Variants in NAA50 observed in about 807,000 individuals in gnomAD.
NAA50 encodes the protein N-alpha-acetyltransferase 50, NatE catalytic subunit.
A neutral mutation model predicts 20.7 loss-of-function variants in NAA50; 7 were observed. The ratio of observed to expected loss-of-function variants is 0.34; its 90% CI spans 0.19 to 0.63. The LOEUF (loss-of-function observed/expected upper bound fraction) is 0.63, where lower values mean the gene tolerates loss of function less well. Among genes scored for constraint, NAA50 ranks in the 30% least tolerant of loss-of-function variants. The probability of loss-of-function intolerance (pLI) is 0.75; values close to 1 mark genes in which losing one functional copy is unlikely to be tolerated. For missense variants in NAA50, 111 were observed against 199.1 expected (o/e 0.56, Z 2.66); for synonymous variants, 54 against 70.6 (o/e 0.77, Z 1.18).
In NAA50 at chr3:113,720,009, C is replaced by T. The variant is rs1368352624; in HGVS notation, c.*1751G>A. On this transcript the variant is annotated 3_prime_UTR_variant, in exon 5 of 5. Transcript: ENST00000240922. ...CTTAACGCTAAACTTTTCTTCTAAG[C>T]TTAGATTTGGATTGTTTAAGAAACG... 6.6e-6 allele frequency: 1 copy of T among 152,602 alleles called. No homozygotes were observed. Among genetic ancestry groups the T allele is most frequent in the Admixed American group, 6.5e-5 (1 of 15,272 alleles). The allele number at this position is 152,602 out of a possible 1,614,324, so 9.5% of individuals were successfully genotyped here.
intron 1 of NAA50, among the ~76,000 whole-genome samples, chr3:113,742,425 CT>C (rs770744656): frequency 1.3e-3 from 171 of 130,186 alleles, no homozygotes; most frequent in Middle Eastern, 7.6e-3. Context: ...GCATGCCTGG[CT>C]TTTTTTTTTT....
At chr3:113,741,754 T>C (rs942489282) in intron 1 of NAA50, among the ~76,000 whole-genome samples, 1 of 152,190 alleles carries the variant, frequency 6.6e-6, no homozygotes, top group African/African-American at 2.4e-5. Context: ...GATTATTCTT[T>C]GTTTAGAGCT....
intron 1 of NAA50, among the ~76,000 whole-genome samples, chr3:113,733,853 CAAA>C (rs58431115): frequency 3.1e-3 from 210 of 68,478 alleles, no homozygotes; most frequent in South Asian, 4.6e-3. Flanking sequence ...ACTCTGTCTC[CAAA>C]AAAAAAAAAA....
intron 1 of NAA50, among the ~76,000 whole-genome samples, chr3:113,728,656 C>T (rs1708231495): frequency 6.6e-6 from 1 of 152,140 alleles, no homozygotes; most frequent in African/African-American, 2.4e-5. Context: ...TATATGGACG[C>T]ATTTGGTTAT....
intron 1 of NAA50, among the ~76,000 whole-genome samples, chr3:113,732,657 T>C (rs1708285586): frequency 6.6e-6 from 1 of 152,214 alleles, no homozygotes; most frequent in Admixed American, 6.5e-5. Flanking sequence ...CGCTAGTCAT[T>C]ACATTCAGGA....
Position 113,746,045 on chromosome 3 carries a change from C to T in NAA50, c.-96G>A. ...GCACCCTTAGCTCGGGCCACTCAAC[C>T]CCGCAAGCCGGCCTCCTAGCCTGGG... On this transcript the variant is annotated 5_prime_UTR_variant, in exon 1 of 5. Transcript: ENST00000240922. 3 of 1,524,538 alleles carry T rather than the reference C, an allele frequency of 2.0e-6. No individual in the cohort carries two copies. Among genetic ancestry groups the T allele is most frequent in the East Asian group, 2.5e-5 (1 of 40,688 alleles). 94.4% of individuals were successfully genotyped at this position (1,524,538 alleles called of 1,614,324 possible). A position where few individuals can be genotyped will look rare whatever the true frequency, so the allele number is the denominator to read the frequency against.
intron 1 of NAA50, among the ~76,000 whole-genome samples, chr3:113,744,760 TAAAG>T (rs1708466263): frequency 6.6e-6 from 1 of 152,194 alleles, no homozygotes; most frequent in South Asian, 2.1e-4. Flanking sequence ...AAAGGAAAAT[TAAAG>T]TAAGGAAACA....
chr3:113,737,671 G>C (rs927353403), intron 1 of NAA50, among the ~76,000 whole-genome samples: 1 of 152,168 alleles, frequency 6.6e-6, no homozygotes, highest in Admixed American at 6.5e-5. Flanking sequence ...TTTTACAGCA[G>C]GGTTTCTCAA....
chr3:113,731,224 T>G (rs1021599672), intron 1 of NAA50, among the ~76,000 whole-genome samples: 2 of 152,208 alleles, frequency 1.3e-5, no homozygotes, highest in African/African-American at 4.8e-5. Flanking sequence ...TGGATACTTG[T>G]CATTTGTAAG....
intron 1 of NAA50, among the ~76,000 whole-genome samples, chr3:113,745,398 T>C (rs928073892): frequency 6.6e-6 from 1 of 152,126 alleles, no homozygotes; most frequent in Non-Finnish European, 1.5e-5. Context: ...CTCCACTCGC[T>C]GTGACCCAAC....
intron 1 of NAA50, among the ~76,000 whole-genome samples, chr3:113,733,751 G>C (rs1438178016): frequency 6.6e-6 from 1 of 150,610 alleles, no homozygotes; most frequent in African/African-American, 2.4e-5. Flanking sequence ...TACTCAGGAG[G>C]CTGAGGCAGG....
At chr3:113,743,213 GT>G (rs1464405389) in intron 1 of NAA50, among the ~76,000 whole-genome samples, 1 of 152,156 alleles carries the variant, frequency 6.6e-6, no homozygotes, top group Non-Finnish European at 1.5e-5. Context: ...AACCAGCTAA[GT>G]TTTAAGTTTC....
intron 1 of NAA50, among the ~76,000 whole-genome samples, chr3:113,734,428 G>A (rs575753074): frequency 1.3e-4 from 20 of 151,932 alleles, no homozygotes; most frequent in Admixed American, 6.6e-4. Flanking sequence ...GTAACAAACC[G>A]GTACATGTAC....
At chr3:113,738,823 T>C (rs1240558104) in intron 1 of NAA50, among the ~76,000 whole-genome samples, 4 of 152,188 alleles carry the variant, frequency 2.6e-5, no homozygotes, top group African/African-American at 4.8e-5. Context: ...AAAAGAAGTG[T>C]TTGAAGTGCT....
rs572112589 is a variant in NAA50, at chr3:113,716,645, TAC to T, written c.*5113_*5114del. On this transcript the variant is annotated 3_prime_UTR_variant, in exon 5 of 5. Transcript: ENST00000240922. Reference sequence around the variant, plus strand: ...TTATAATCAGATGTCCTACGAAAGCTACAGTGATTCAACATGTGCTTTAATTT... The same window carrying T: ...TTATAATCAGATGTCCTACGAAAGCTAGTGATTCAACATGTGCTTTAATTT... The T allele has an allele frequency of 7.5e-4, 115 of 152,344 alleles. No individual in the cohort carries two copies. The highest frequency in any genetic ancestry group is 2.6e-3 in the African/African-American group (108 of 41,572). The allele number at this position is 152,344 out of a possible 1,614,324, so 9.4% of individuals were successfully genotyped here.
chr3:113,721,752 T>C lies in NAA50; in HGVS notation c.*8A>G, dbSNP rs1168312195. 1 of 1,613,650 alleles carries C rather than the reference T, an allele frequency of 6.2e-7. No homozygotes were observed. Among genetic ancestry groups the C allele is most frequent in the Non-Finnish European group, 8.5e-7 (1 of 1,179,718 alleles). On this transcript the variant is annotated 3_prime_UTR_variant, in exon 5 of 5. Transcript: ENST00000240922. ...AAGCAAGTGCAAGAAAGTTCATTTG[T>C]AATTTGTTCAGTTGTCTGTCTTTTG...
At chr3:113,744,900 T>C (rs1257536620) in intron 1 of NAA50, among the ~76,000 whole-genome samples, 1 of 152,242 alleles carries the variant, frequency 6.6e-6, no homozygotes, top group Non-Finnish European at 1.5e-5. Flanking sequence ...AAGTGACTTT[T>C]ATTTCATCCT....
rs1553705169 is a variant in NAA50 at position 113,723,413 on chromosome 3, A to G, written c.265+9T>C. 15 of 1,596,994 alleles carry G rather than the reference A, an allele frequency of 9.4e-6. No homozygotes were observed. The South Asian group carries it at 1.4e-4, about 14-fold the overall frequency. The stretch of plus-strand genomic sequence containing the variant: ...TCTCTGAAGAAGTAAAAAAACCACA[A>G]TTTTTTACCTATTCCTAGCCTTCGG... On this transcript the variant is annotated intron_variant, in intron 3 of 4. Coordinates refer to ENST00000240922, the MANE Select transcript of NAA50 (RefSeq NM_025146.4).
At chr3:113,741,275 T>C in intron 1 of NAA50, 1 of 384,008 alleles carries the variant, frequency 2.6e-6, no homozygotes, top group Non-Finnish European at 5.1e-6. Context: ...AAATGGCAAC[T>C]GTGCCACAGA....
Sources: gnomAD v4.1 joint callset for allele counts (sites outside exome capture counted in the v4.1 genomes callset) on GRCh38, gnomAD v4.1.1 for gene constraint, MANE v1.5 for transcripts, NCBI Gene and HGNC (gene_info 2026-07-23, HGNC 2026-07-21) for gene names.